KCNC4: variants seen among roughly 807,000 people sequenced by gnomAD.
KCNC4 encodes potassium voltage-gated channel subfamily C member 4.
In KCNC4, 23 loss-of-function variants were observed where a neutral mutation model predicts 42.8. The observed-to-expected ratio is 0.54, with a 90% CI of 0.39 to 0.76. KCNC4 has a LOEUF of 0.76. Among genes scored for constraint, KCNC4 ranks in the 30% least tolerant of loss-of-function variants. The pLI is 0.00. For missense variants in KCNC4, 751 were observed against 898.2 expected, an observed-to-expected ratio of 0.84 and a Z score of 2.10; for synonymous variants, 422 against 393.5, an observed-to-expected ratio of 1.07 and a Z score of -0.86.
exon 4 of KCNC4, chr1:110,241,959 T>C (rs1052607184): frequency 6.6e-6 from 1 of 152,182 alleles, no homozygotes; most frequent in Non-Finnish European, 1.5e-5. Context: ...AGTGAATGAG[T>C]AAGGAGTGAA....
chr1:110,211,079 G>C lies in KCNC4; in HGVS notation c.-421G>C, dbSNP rs1045447848. Among the ~76,000 whole-genome samples, 1 of 152,258 alleles carries C rather than the reference G, an allele frequency of 6.6e-6. No homozygotes were observed. The highest frequency in any genetic ancestry group is 2.4e-5 in the African/African-American group (1 of 41,470). ...GGCTTGGTGCGGTCTTGGAGCCGGA[G>C]GGTGGCCCGTGTGAGCGCGAGCGCC... On this transcript the variant is annotated 5_prime_UTR_variant, in exon 1 of 4. Coordinates refer to ENST00000438661, the MANE Select transcript of KCNC4 (RefSeq NM_001039574.3). The surrounding 1 kb of genome is among the most constrained non-coding windows in gnomAD (Gnocchi z 6.5).
chr1:110,255,682 C>G (rs114442612), intron 1 of KCNC4, among the ~76,000 whole-genome samples: 1 of 152,180 alleles, frequency 6.6e-6, no homozygotes, highest in Admixed American at 6.5e-5. Flanking sequence ...CGAACTTCCT[C>G]TCAGGAAACA....
intron 1 of KCNC4, among the ~76,000 whole-genome samples, chr1:110,212,634 T>G (rs1316041719): frequency 6.6e-6 from 1 of 152,186 alleles, no homozygotes; most frequent in Non-Finnish European, 1.5e-5. Context: ...TTCCATGCCG[T>G]GCCACCTCAT....
chr1:110,256,222 A>G (rs1179037541), intron 1 of KCNC4, among the ~76,000 whole-genome samples: 1 of 152,208 alleles, frequency 6.6e-6, no homozygotes, highest in Non-Finnish European at 1.5e-5. Flanking sequence ...CTGACATGTT[A>G]GACAAGCGAG....
At chr1:110,268,962 C>T (rs1570583278) in intron 1 of KCNC4, among the ~76,000 whole-genome samples, 1 of 151,882 alleles carries the variant, frequency 6.6e-6, no homozygotes, top group Admixed American at 6.6e-5. Flanking sequence ...GTGATCCGCC[C>T]GCCTCGGCCT....
At chr1:110,215,183 G>A (rs1364811704) in intron 1 of KCNC4, among the ~76,000 whole-genome samples, 1 of 152,252 alleles carries the variant, frequency 6.6e-6, no homozygotes, top group Non-Finnish European at 1.5e-5. Context: ...CTGATTATGA[G>A]AGCCTGTTGC....
intron 3 of KCNC4, chr1:110,232,220 G>A: frequency 6.2e-7 from 1 of 1,613,868 alleles, no homozygotes; most frequent in Non-Finnish European, 8.5e-7. Context: ...TCCTGAGACA[G>A]GCACATTCGT....
At chr1:110,256,732 GC>G (rs1659339356) in intron 1 of KCNC4, 2 of 153,722 alleles carry the variant, frequency 1.3e-5, no homozygotes, top group Admixed American at 6.5e-5. Flanking sequence ...GCGCCGTCAC[GC>G]CCCGGTATTA....
At chr1:110,216,305 A>G (rs1657788103) in intron 1 of KCNC4, among the ~76,000 whole-genome samples, 1 of 152,208 alleles carries the variant, frequency 6.6e-6, no homozygotes, top group African/African-American at 2.4e-5. Context: ...CCAGGAGGGC[A>G]GTACCCTGGC....
exon 4 of KCNC4, chr1:110,247,690 G>A (rs896671750): frequency 2.0e-5 from 3 of 151,910 alleles, no homozygotes; most frequent in Admixed American, 6.6e-5. Flanking sequence ...AAGTAGCTGG[G>A]ACTACAGGTG....
At chr1:110,283,337 G>A (rs1179499289), downstream of KCNC4, among the ~76,000 whole-genome samples, 1 of 152,118 alleles carries the variant, frequency 6.6e-6, no homozygotes, top group African/African-American at 2.4e-5. Flanking sequence ...GCACTAAGGA[G>A]CCCACGGTAA....
chr1:110,231,160 G>A lies in KCNC4; in HGVS notation c.1820-1751G>A, dbSNP rs1042267445. Among the ~76,000 whole-genome samples, 12 of 152,326 alleles carry A rather than the reference G, an allele frequency of 7.9e-5. No homozygotes were observed. In the East Asian group the frequency reaches 2.3e-3, roughly 29 times the overall value. On this transcript the variant is annotated intron_variant, in intron 3 of 3. Transcript: ENST00000438661. Reference sequence around the variant, plus strand: ...AGAGACCAATTTTCAGGGCTTCTGAGAGGTAGAACCAGAAGGAAGGGCACT... The same window carrying A: ...AGAGACCAATTTTCAGGGCTTCTGAAAGGTAGAACCAGAAGGAAGGGCACT...
intron 1 of KCNC4, among the ~76,000 whole-genome samples, chr1:110,266,252 CAGT>C (rs1217876453): frequency 1.3e-5 from 2 of 152,162 alleles, no homozygotes; most frequent in African/African-American, 4.8e-5. Flanking sequence ...GAGAGAGTCT[CAGT>C]TGACTGAAAG....
intron 3 of KCNC4, among the ~76,000 whole-genome samples, chr1:110,228,201 C>A (rs534760618): frequency 6.6e-6 from 1 of 152,300 alleles, no homozygotes; most frequent in South Asian, 2.1e-4. Context: ...GCCCATGTAT[C>A]AGAGTGTCAG....
chr1:110,240,714 A>G (rs923970395), exon 4 of KCNC4: 1 of 152,168 alleles, frequency 6.6e-6, no homozygotes, highest in African/African-American at 2.4e-5. Context: ...GTGGCTCCTA[A>G]GCTGCCATGG....
chr1:110,217,265 C>T (rs145473151), intron 1 of KCNC4, among the ~76,000 whole-genome samples: 2 of 152,116 alleles, frequency 1.3e-5, no homozygotes, highest in African/African-American at 2.4e-5. Flanking sequence ...AATCCCACCT[C>T]TACGTGGGAT....
rs72990520 is a variant in KCNC4 at position 110,232,760 on chromosome 1, C to T, written c.1820-151C>T. The T allele has an allele frequency of 2.3e-3, 3,593 of 1,535,994 alleles. 87 individuals are homozygous for T. In the African/African-American group the frequency reaches 0.043, roughly 18 times the overall value. ...CTCCTGGTCTACTCCTTAGCCCACACCCTGTGGGTCAGCAGCTGGCTTCCT... is the reference window on the plus strand; with the variant it reads ...CTCCTGGTCTACTCCTTAGCCCACATCCTGTGGGTCAGCAGCTGGCTTCCT... On this transcript the variant is annotated intron_variant, in intron 3 of 3. Transcript: ENST00000438661.
intron 1 of KCNC4, among the ~76,000 whole-genome samples, chr1:110,275,955 A>C (rs1377686336): frequency 3.1e-5 from 1 of 32,598 alleles, no homozygotes; most frequent in Admixed American, 4.1e-4. Context: ...ACTCCGCCTC[A>C]AAAAAAAAAA....
At chr1:110,265,693 G>A (rs1021515947) in intron 1 of KCNC4, among the ~76,000 whole-genome samples, 5 of 152,198 alleles carry the variant, frequency 3.3e-5, no homozygotes, top group Non-Finnish European at 5.9e-5. Context: ...CTGGGGCCCC[G>A]AAGAGGAACT....
Sources: gnomAD v4.1 joint callset for allele counts (sites outside exome capture counted in the v4.1 genomes callset) on GRCh38, gnomAD v4.1.1 for gene constraint, Gnocchi (gnomAD v3.1) non-coding constraint, MANE v1.5 for transcripts, NCBI Gene and HGNC (gene_info 2026-07-23, HGNC 2026-07-21) for gene names.